DHX9: variants seen among roughly 807,000 people sequenced by gnomAD.
The protein encoded by DHX9 is DExH-box helicase 9.
DHX9 carries 27 observed loss-of-function variants against 148.7 expected under a neutral mutation model. That is an observed-to-expected ratio of 0.18 (90% CI 0.13 to 0.25). DHX9 has a LOEUF of 0.25. Ranked by LOEUF, DHX9 falls within the 10% of genes least tolerant of loss-of-function variation. DHX9 has a pLI of 1.00. For missense variants in DHX9, 796 were observed against 1,559.6 expected (o/e 0.51, Z 8.25); for synonymous variants, 529 against 516.6 (o/e 1.02, Z -0.33).
intron 3 of DHX9, among the ~76,000 whole-genome samples, chr1:182,844,650 C>T (rs1216133044): frequency 6.6e-6 from 1 of 152,246 alleles, no homozygotes; most frequent in African/African-American, 2.4e-5. Flanking sequence ...TCTCCTGCCT[C>T]AGTCTCCTAA....
chr1:182,860,153 G>T lies in DHX9; in HGVS notation c.1301G>T (p.Arg434Leu). Residue 434 changes from arginine to leucine, a missense_variant, in exon 12 of 28, where the codon CGA becomes CTA. Coordinates refer to ENST00000367549, the MANE Select transcript of DHX9 (RefSeq NM_001357.5). ...FILDDFIQNDRAAECNIVVTQ... is the reference protein window; with the variant it reads ...FILDDFIQNDLAAECNIVVTQ... ...CTAGATGACTTTATCCAGAATGACCGAGCAGCAGAGTGTAACATCGTAGTA... is the reference window on the plus strand; with the variant it reads ...CTAGATGACTTTATCCAGAATGACCTAGCAGCAGAGTGTAACATCGTAGTA... 1.2e-6 allele frequency: 2 copies of T among 1,611,414 alleles called. No homozygotes were observed. The highest frequency in any genetic ancestry group is 2.2e-5 in the South Asian group (2 of 90,516).
Position 182,878,005 on chromosome 1 carries a change from A to G in DHX9, c.2199-16A>G, listed in dbSNP as rs780643874. ...ATACACATGAGTCTTAGAATTAACC[A>G]CTTTTTCCTATGTAGGCAGAAAGTG... On this transcript the variant is annotated splice_polypyrimidine_tract_variant and intron_variant, in intron 19 of 27. Transcript: ENST00000367549. The G allele has an allele frequency of 1.2e-6, 2 of 1,613,928 alleles. No homozygotes were observed. Among genetic ancestry groups the G allele is most frequent in the Non-Finnish European group, 1.7e-6 (2 of 1,179,864 alleles).
At chr1:182,857,907 T>A (rs1386997060) in intron 7 of DHX9, among the ~76,000 whole-genome samples, 197 bp from the exon 8 acceptor site, 2 of 152,200 alleles carry the variant, frequency 1.3e-5, no homozygotes, top group Non-Finnish European at 2.9e-5. Context: ...ATCAAAACTG[T>A]TGGTTATTTA....
intron 3 of DHX9, among the ~76,000 whole-genome samples, chr1:182,848,908 A>T (rs1282160231): frequency 1.3e-5 from 2 of 152,048 alleles, no homozygotes; most frequent in Non-Finnish European, 2.9e-5. Context: ...ACCAGATCTC[A>T]TGAGAACTCA....
chr1:182,887,695 T>C lies in DHX9; in HGVS notation c.*261T>C, dbSNP rs1184091231. 2.6e-6 allele frequency: 1 copy of C among 391,852 alleles called. No homozygotes were observed. Among genetic ancestry groups the C allele is most frequent in the Non-Finnish European group, 4.6e-6 (1 of 216,414 alleles). The allele number at this position is 391,852 out of a possible 1,614,324, so 24.3% of individuals were successfully genotyped here. ...GAGTAAAGATTTGCCTTTAAATAAC[T>C]TGGTATTTTCCTGGCTTTCGTTTAA... On this transcript the variant is annotated 3_prime_UTR_variant, in exon 28 of 28. Coordinates refer to ENST00000367549, the MANE Select transcript of DHX9 (RefSeq NM_001357.5).
chr1:182,881,727 A>C, intron 24 of DHX9, 80 bp downstream of exon 24: 1 of 1,450,806 alleles, frequency 6.9e-7, no homozygotes, highest in African/African-American at 1.4e-5. Context: ...AGTGTATTTT[A>C]GTTTCAAATT....
intron 7 of DHX9, among the ~76,000 whole-genome samples, chr1:182,857,290 C>A (rs528474989): frequency 1.3e-5 from 2 of 152,222 alleles, no homozygotes; most frequent in Admixed American, 1.3e-4. Flanking sequence ...CAGAAAGATA[C>A]CTTTGTACCC....
intron 24 of DHX9, among the ~76,000 whole-genome samples, chr1:182,882,689 A>AC (rs1349664557): frequency 2.0e-5 from 3 of 151,900 alleles, no homozygotes; most frequent in Non-Finnish European, 4.4e-5. Context: ...ACACGGTGAA[A>AC]CCCGTCTCTA....
At chr1:182,884,482 G>T (rs906303854) in intron 26 of DHX9, 131 bp from the exon 27 acceptor site, 3 of 645,640 alleles carry the variant, frequency 4.6e-6, no homozygotes, top group East Asian at 7.1e-5. Flanking sequence ...ATTATAAGTA[G>T]TTTTTTTTTT....
At chr1:182,860,250 C>CTAATTTTTG in intron 12 of DHX9, 66 bp downstream of exon 12, 1 of 1,278,744 alleles carries the variant, frequency 7.8e-7, no homozygotes, top group South Asian at 1.7e-5. Context: ...CTTTGATTAA[C>CTAATTTTTG]TAATTTTTGT....
intron 3 of DHX9, among the ~76,000 whole-genome samples, chr1:182,846,562 T>C (rs1362477203): frequency 2.0e-5 from 3 of 152,240 alleles, no homozygotes; most frequent in Non-Finnish European, 2.9e-5. Flanking sequence ...AAAGATAATA[T>C]GACACTGTCT....
chr1:182,852,151 G>C, intron 3 of DHX9, 82 bp from the exon 4 acceptor site: 2 of 771,806 alleles, frequency 2.6e-6, no homozygotes, highest in Non-Finnish European at 2.1e-6. Context: ...ATGACACATG[G>C]GTCCTTTTAA....
intron 1 of DHX9, among the ~76,000 whole-genome samples, chr1:182,840,266 G>A (rs566533944): frequency 1.3e-3 from 190 of 151,512 alleles, no homozygotes; most frequent in Non-Finnish European, 2.1e-3. Context: ...TAGTAGATCT[G>A]GAGTCAGGCT....
At chr1:182,858,373 T>G (rs1233080191) in intron 8 of DHX9, 133 bp downstream of exon 8, 6 of 1,164,706 alleles carry the variant, frequency 5.2e-6, no homozygotes, top group Non-Finnish European at 7.3e-6. Flanking sequence ...TAATCATCTC[T>G]GTGTCTGGCA....
At chr1:182,848,053 C>G (rs888245264) in intron 3 of DHX9, among the ~76,000 whole-genome samples, 1 of 152,168 alleles carries the variant, frequency 6.6e-6, no homozygotes, top group Non-Finnish European at 1.5e-5. Context: ...TCTGTTCCAG[C>G]TACAGTAGCT....
At chr1:182,877,906 T>C (rs1648888420) in intron 19 of DHX9, 115 bp from the exon 20 acceptor site, 6 of 1,172,170 alleles carry the variant, frequency 5.1e-6, no homozygotes, top group South Asian at 3.1e-5. Flanking sequence ...TGAATAGACA[T>C]CACAAGTAGG....
At chr1:182,868,794 T>G (rs1161075658) in intron 14 of DHX9, among the ~76,000 whole-genome samples, 2 of 152,120 alleles carry the variant, frequency 1.3e-5, no homozygotes, top group Non-Finnish European at 2.9e-5. Context: ...TTAAAGATTT[T>G]CTCCTCTTAC....
chr1:182,867,232 A>T (rs1473054620), intron 14 of DHX9, among the ~76,000 whole-genome samples, 189 bp downstream of exon 14: 1 of 152,084 alleles, frequency 6.6e-6, no homozygotes, highest in Non-Finnish European at 1.5e-5. Flanking sequence ...GTTAAACTTT[A>T]CAGAAAGCCT....
rs114192013 is a variant in DHX9, at chr1:182,865,689, T to C, written c.1333-755T>C. Among the ~76,000 whole-genome samples, 1,037 of 152,306 alleles carry C rather than the reference T, an allele frequency of 6.8e-3. 14 individuals are homozygous for C. Among genetic ancestry groups the C allele is most frequent in the African/African-American group, 0.023 (964 of 41,570 alleles). ...GAAATCTAGCCTGTCATCAGGAACT[T>C]ATAGACAGAATCAAATCCAAGGCAC... is the stretch of plus-strand genomic sequence containing the variant. On this transcript the variant is annotated intron_variant, in intron 12 of 27. Coordinates refer to ENST00000367549, the MANE Select transcript of DHX9 (RefSeq NM_001357.5).
Sources: allele counts gnomAD v4.1 joint callset (sites outside exome capture counted in the v4.1 genomes callset), GRCh38; gene constraint gnomAD v4.1.1; transcripts MANE v1.5; gene names NCBI Gene and HGNC (gene_info 2026-07-23, HGNC 2026-07-21).